The following P4HTM variants were observed in gnomAD, a reference collection of about 807,000 sequenced individuals.
The protein encoded by P4HTM is transmembrane prolyl 4-hydroxylase.
P4HTM carries 33 observed loss-of-function variants against 55.3 expected under a neutral mutation model. That is an observed-to-expected ratio of 0.60 (90% CI 0.45 to 0.80). P4HTM has a LOEUF of 0.80. Among genes scored for constraint, P4HTM ranks in the 30% least tolerant of loss-of-function variants. The pLI, the probability that P4HTM is intolerant of heterozygous loss-of-function variation, is 0.00. For synonymous variants in P4HTM, 272 were observed against 286.4 expected, an observed-to-expected ratio of 0.95 and a Z score of 0.51; for missense variants, 542 against 696.5, an observed-to-expected ratio of 0.78 and a Z score of 2.50.
Position 48,990,481 on chromosome 3 carries a change from G to C in P4HTM, c.225G>C (p.Val75=). 2 of 1,611,276 alleles carry C rather than the reference G, an allele frequency of 1.2e-6. No homozygotes were observed. Among genetic ancestry groups the C allele is most frequent in the Non-Finnish European group, 1.7e-6 (2 of 1,179,448 alleles). ...TCGTGCACCTGTACCTGGGTAACGT[G>C]CTGGCGCTGCTGCTCTTCGTGCACT... is the stretch of plus-strand genomic sequence containing the variant. ...MVFVHLYLGN[V]LALLLFVHYS... Residue 75 remains valine, a synonymous_variant, in exon 1 of 9, where the codon GTG becomes GTC. Coordinates refer to ENST00000383729, the MANE Select transcript of P4HTM (RefSeq NM_177939.3). The surrounding 1 kb of genome is among the most constrained non-coding windows in gnomAD (Gnocchi z 7.2).
At position 48,990,669 on chromosome 3, in the gene P4HTM, C is replaced by G. The variant is rs545340375; in HGVS notation, c.354+59C>G. On this transcript the variant is annotated intron_variant, in intron 1 of 8. Coordinates refer to ENST00000383729, the MANE Select transcript of P4HTM (RefSeq NM_177939.3). This position sits in a 1 kb window ranked among gnomAD's most constrained non-coding sequence, Gnocchi z 7.2. Reference sequence around the variant, plus strand: ...CCTGCACGGCTGAGCCCGAGAGGACCGGCGCTCAGCCCGGGTCCCCACGCT... The same window carrying G: ...CCTGCACGGCTGAGCCCGAGAGGACGGGCGCTCAGCCCGGGTCCCCACGCT... The G allele has an allele frequency of 3.4e-5, 50 of 1,478,722 alleles. No homozygotes were observed. The South Asian group carries it at 5.9e-4, about 18-fold the overall frequency. 91.6% of individuals were successfully genotyped at this position (1,478,722 alleles called of 1,614,324 possible). A position where few individuals can be genotyped will look rare whatever the true frequency, so the allele number is the denominator to read the frequency against.
intron 6 of P4HTM, 146 bp downstream of exon 6, chr3:49,005,192 C>T (rs760942249): frequency 1.9e-6 from 3 of 1,581,774 alleles, no homozygotes; most frequent in East Asian, 4.5e-5. Context: ...CCTCACCTCT[C>T]CCCACAAGTT....
At chr3:49,006,285 T>G (rs1278354419) in intron 8 of P4HTM, 98 bp downstream of exon 8, 3 of 1,386,952 alleles carry the variant, frequency 2.2e-6, no homozygotes, top group Non-Finnish European at 3.0e-6. Flanking sequence ...TCTGGCTGCT[T>G]TCCAAATAGT....
chr3:49,001,395 C>T (rs1204770845), intron 2 of P4HTM, 43 bp from the exon 3 acceptor site: 9 of 1,596,428 alleles, frequency 5.6e-6, no homozygotes, highest in Non-Finnish European at 6.0e-6. Flanking sequence ...TGCACCAGCG[C>T]CCTGGCTCAG....
chr3:48,990,171 C>G, upstream of P4HTM: 1 of 1,072,644 alleles, frequency 9.3e-7, no homozygotes, highest in Non-Finnish European at 1.1e-6. This position sits in a 1 kb window ranked among gnomAD's most constrained non-coding sequence, Gnocchi z 7.2. Flanking sequence ...GCGGCGCTCG[C>G]GGGCCTGGCG....
rs371468668 is a variant in P4HTM at position 49,006,081 on chromosome 3, C to T, written c.1182C>T (p.Asp394=). Residue 394 remains aspartate (D), a synonymous_variant, in exon 8 of 9, where the codon GAC becomes GAT. Coordinates refer to ENST00000383729, the MANE Select transcript of P4HTM (RefSeq NM_177939.3). ...GCCCACAGAGTCTGATTCAGGATGA[C>T]GTGGACCTCCGTGACACACGGAGGC... ...TYDEMSLIQD[D]VDLRDTRRHC... The T allele has an allele frequency of 2.5e-6, 4 of 1,612,634 alleles. No individual in the cohort carries two copies. Among genetic ancestry groups the T allele is most frequent in the South Asian group, 2.2e-5 (2 of 91,062 alleles).
At position 49,007,073 on chromosome 3, in the gene P4HTM, C is replaced by T. The variant is rs1270554437; in HGVS notation, c.*166C>T. 5.9e-6 allele frequency: 4 copies of T among 672,926 alleles called. No individual in the cohort carries two copies. The highest frequency in any genetic ancestry group is 7.5e-6 in the Non-Finnish European group (3 of 402,370). The allele number at this position is 672,926 out of a possible 1,614,324, so 41.7% of individuals were successfully genotyped here. A position where few individuals can be genotyped will look rare whatever the true frequency, so the allele number is the denominator to read the frequency against. ...CTATATTCATGTTATTTATTGTGTA[C>T]TGACTCCATCTGCCCCGTCAAATAA... On this transcript the variant is annotated 3_prime_UTR_variant, in exon 9 of 9. Transcript: ENST00000383729. This position sits in a 1 kb window ranked among gnomAD's most constrained non-coding sequence, Gnocchi z 5.1.
In P4HTM at chr3:49,006,722, G is replaced by A. The variant is rs1262834163; in HGVS notation, c.1324G>A (p.Gly442Arg). 6.2e-7 allele frequency: 1 copy of A among 1,613,684 alleles called. No homozygotes were observed. The highest frequency in any genetic ancestry group is 8.5e-7 in the Non-Finnish European group (1 of 1,180,022). ...TGACGTAGACGACTACTCGCTGCAC[G>A]GGGGCTGCCTGGTCACGCGCGGCAC... Reference protein sequence around the residue: ...VGDVDDYSLHGGCLVTRGTKW... With the variant: ...VGDVDDYSLHRGCLVTRGTKW... The change falls in exon 9 of 9, where the codon GGG (glycine) becomes AGG (arginine). Residue 442 changes from glycine to arginine, a missense_variant. Around this residue, in one of 2 missense-constraint regions of P4HTM, gnomAD observed 536 missense variants for 672.1 expected, o/e 0.80. Coordinates refer to ENST00000383729, the MANE Select transcript of P4HTM (RefSeq NM_177939.3).
intron 5 of P4HTM, chr3:49,004,495 T>G (rs2092970697): frequency 1.8e-6 from 1 of 563,356 alleles, no homozygotes. Flanking sequence ...GAGCACTTCT[T>G]TCTGATTAGA....
rs1331620793 is a variant in P4HTM at position 49,006,142 on chromosome 3, C to G, written c.1243C>G (p.Gln415Glu). The change falls in exon 8 of 9, where the codon CAG becomes GAG. Residue 415 changes from glutamine (Q) to glutamate (E), a missense_variant. Coordinates refer to ENST00000383729, the MANE Select transcript of P4HTM (RefSeq NM_177939.3). The part of the protein sequence containing the change: ...DKGNLRVKPQ[Q>E]GTAVFWYNYL... ...GGGAAACCTGCGTGTCAAGCCCCAA[C>G]AGGGCACAGCAGTCTTCTGGTACAA... The G allele has an allele frequency of 6.2e-7, 1 of 1,612,778 alleles. No homozygotes were observed. The highest frequency in any genetic ancestry group is 8.5e-7 in the Non-Finnish European group (1 of 1,179,856).
chr3:49,005,372 C>T (rs2092974342), intron 6 of P4HTM: 1 of 1,411,052 alleles, frequency 7.1e-7, no homozygotes. Context: ...ATCTTGATTC[C>T]ACTTAGAGAA....
rs192651215 is a variant in P4HTM at position 48,999,376 on chromosome 3, G to A, written c.437-2062G>A. On this transcript the variant is annotated intron_variant, in intron 2 of 8. Transcript: ENST00000383729. This position sits in a 1 kb window ranked among gnomAD's most constrained non-coding sequence, Gnocchi z 4.8. ...CAGCTGCTGTGATGTGGTCCAGCAA[G>A]TTGGGCAGACGCATCTGTGTAGCCA... 6.3e-6 allele frequency: 1 copy of A among 159,640 alleles called. No homozygotes were observed. Among genetic ancestry groups the A allele is most frequent in the African/African-American group, 2.4e-5 (1 of 41,474 alleles). 9.9% of individuals were successfully genotyped at this position (159,640 alleles called of 1,614,324 possible).
At chr3:48,996,848 G>T (rs976035582) in intron 2 of P4HTM, among the ~76,000 whole-genome samples, 1 of 152,134 alleles carries the variant, frequency 6.6e-6, no homozygotes. Context: ...GTGCCTGCCC[G>T]GAGACTCAGC....
chr3:49,000,393 TA>T (rs1357048794), intron 2 of P4HTM, among the ~76,000 whole-genome samples: 2 of 151,764 alleles, frequency 1.3e-5, no homozygotes, highest in Non-Finnish European at 2.9e-5. Flanking sequence ...CTACAAAAAA[TA>T]AAAAAATAAA....
intron 2 of P4HTM, among the ~76,000 whole-genome samples, chr3:48,993,754 C>T (rs1392827162): frequency 3.4e-5 from 5 of 145,204 alleles, no homozygotes; most frequent in South Asian, 2.2e-4. Context: ...CCCAGCTATT[C>T]GGGAGGCTGA....
In P4HTM at chr3:48,990,790, G is replaced by C. The variant is rs1448991864; in HGVS notation, c.355-43G>C. 6 of 1,588,618 alleles carry C rather than the reference G, an allele frequency of 3.8e-6. No homozygotes were observed. The highest frequency in any genetic ancestry group is 5.2e-6 in the Non-Finnish European group (6 of 1,159,086). ...GGCGACTTGGCCCTTCTTGGGCAGC[G>C]CGGTCTGGCGCCCCAGCTGCCCGCT... On this transcript the variant is annotated intron_variant, in intron 1 of 8. Transcript: ENST00000383729. The surrounding 1 kb of genome is among the most constrained non-coding windows in gnomAD (Gnocchi z 7.2).
In P4HTM at chr3:49,006,114, C is replaced by CA. The variant is rs1157541429; in HGVS notation, c.1217dup (p.Asn408LysfsTer20). The stretch of plus-strand genomic sequence containing the variant: ...TCCGTGACACACGGAGGCACTGTGA[C>CA]AAGGGAAACCTGCGTGTCAAGCCCC... On this transcript the variant is annotated frameshift_variant, in exon 8 of 9. Transcript: ENST00000383729. LOFTEE classifies it high-confidence loss of function. 1.2e-6 allele frequency: 2 copies of CA among 1,613,026 alleles called. No individual in the cohort carries two copies. The highest frequency in any genetic ancestry group is 1.7e-6 in the Non-Finnish European group (2 of 1,179,954).
Position 49,007,139 on chromosome 3 carries a change from G to A in P4HTM, c.*232G>A, listed in dbSNP as rs2092986614. On this transcript the variant is annotated 3_prime_UTR_variant, in exon 9 of 9. Coordinates refer to ENST00000383729, the MANE Select transcript of P4HTM (RefSeq NM_177939.3). The surrounding 1 kb of genome is among the most constrained non-coding windows in gnomAD (Gnocchi z 5.1). ...GAGCCGCCGGGCCCGACAAACTCCG[G>A]GTCGGCGAAACAGAGTCCGCGATAG... The A allele has an allele frequency of 1.7e-5, 12 of 720,526 alleles. No individual in the cohort carries two copies. The highest frequency in any genetic ancestry group is 2.7e-5 in the Non-Finnish European group (12 of 448,038). 44.6% of individuals were successfully genotyped at this position (720,526 alleles called of 1,614,324 possible).
Position 49,005,054 on chromosome 3 carries a change from T to A in P4HTM, c.1073+8T>A. On this transcript the variant is annotated splice_region_variant and intron_variant, in intron 6 of 8. Transcript: ENST00000383729. ...CTTCGAGACCTCCTGCCGGCAAGTA[T>A]CTCCCAACTGGGGGCTGCCTTCAAT... The A allele has an allele frequency of 6.2e-7, 1 of 1,613,932 alleles. No homozygotes were observed. The highest frequency in any genetic ancestry group is 8.5e-7 in the Non-Finnish European group (1 of 1,180,018).
Sources: gnomAD v4.1 joint callset for allele counts (sites outside exome capture counted in the v4.1 genomes callset) on GRCh38, gnomAD v4.1.1 for gene constraint, gnomAD v4.1.1 regional missense constraint, Gnocchi (gnomAD v3.1) non-coding constraint, MANE v1.5 for transcripts, NCBI Gene and HGNC (gene_info 2026-07-23, HGNC 2026-07-21) for gene names.